Variants in IRF2 observed in about 807,000 individuals in gnomAD.
IRF2 encodes interferon regulatory factor 2.
In IRF2, 15 loss-of-function variants were observed where a neutral mutation model predicts 40.6. The ratio of observed to expected loss-of-function variants is 0.37; its 90% CI spans 0.25 to 0.57. The LOEUF (loss-of-function observed/expected upper bound fraction) is 0.57. IRF2 is among the 20% of genes least tolerant of loss of function. The pLI, the probability that IRF2 is intolerant of heterozygous loss-of-function variation, is 0.77. For synonymous variants in IRF2, 151 were observed against 165.5 expected (o/e 0.91, Z 0.67); for missense variants, 317 against 455.7 (o/e 0.70, Z 2.77).
intron 2 of IRF2, among the ~76,000 whole-genome samples, chr4:184,420,507 A>T (rs764578308): frequency 6.6e-6 from 1 of 152,214 alleles, no homozygotes; most frequent in Non-Finnish European, 1.5e-5. Flanking sequence ...TTCTGGAGAA[A>T]CATCCCTCAA....
chr4:184,457,209 A>G (rs12507400), intron 1 of IRF2, among the ~76,000 whole-genome samples: 58,099 of 152,120 alleles, frequency 0.38, 11,545 homozygotes, highest in Non-Finnish European at 0.44. Flanking sequence ...TGACCTTGAC[A>G]GAGGGGAATT....
chr4:184,425,278 G>C (rs1396314224), intron 2 of IRF2, among the ~76,000 whole-genome samples: 1 of 152,244 alleles, frequency 6.6e-6, no homozygotes. Flanking sequence ...TAGGCTCTCA[G>C]TTAAGTATTT....
At chr4:184,456,123 C>T (rs1738915513) in intron 1 of IRF2, among the ~76,000 whole-genome samples, 1 of 152,216 alleles carries the variant, frequency 6.6e-6, no homozygotes, top group Non-Finnish European at 1.5e-5. Context: ...ACACTGATCA[C>T]GGGCGTCTGA....
chr4:184,460,718 C>T (rs1162972063), intron 1 of IRF2, among the ~76,000 whole-genome samples: 4 of 151,768 alleles, frequency 2.6e-5, no homozygotes, highest in Admixed American at 6.6e-5. Context: ...CACACACACA[C>T]GCGAAGAGAG....
chr4:184,402,013 A>G (rs935884306), intron 6 of IRF2, among the ~76,000 whole-genome samples: 4 of 152,126 alleles, frequency 2.6e-5, no homozygotes, highest in Admixed American at 6.5e-5. Flanking sequence ...CGGTTATTCA[A>G]CTAACAGAGA....
intron 1 of IRF2, among the ~76,000 whole-genome samples, chr4:184,447,500 A>G (rs1158158998): frequency 6.6e-6 from 1 of 152,236 alleles, no homozygotes; most frequent in East Asian, 1.9e-4. Flanking sequence ...ACCAGTGAGT[A>G]AAAGGCTGGT....
chr4:184,453,107 A>T (rs1738786531), intron 1 of IRF2, among the ~76,000 whole-genome samples: 1 of 152,222 alleles, frequency 6.6e-6, no homozygotes, highest in Admixed American at 6.5e-5. Flanking sequence ...TTTCTGTAAA[A>T]AACAGACAAC....
At chr4:184,431,632 A>C (rs986984146) in intron 1 of IRF2, among the ~76,000 whole-genome samples, 4 of 152,142 alleles carry the variant, frequency 2.6e-5, no homozygotes, top group African/African-American at 9.7e-5. Flanking sequence ...GCGAGGGAAG[A>C]GTAGTTACAG....
chr4:184,462,984 C>T lies in IRF2; in HGVS notation c.-7+11395G>A, dbSNP rs1332984999. The stretch of plus-strand genomic sequence containing the variant: ...GGAATGCAAATAAATCGGACTGGAT[C>T]CTGGCTCTCAAATAACTTACCACAT... On this transcript the variant is annotated intron_variant, in intron 1 of 8. Coordinates refer to ENST00000393593, the MANE Select transcript of IRF2 (RefSeq NM_002199.4). Among the ~76,000 whole-genome samples, 3 of 152,228 alleles carry T rather than the reference C, an allele frequency of 2.0e-5. No homozygotes were observed. In the East Asian group the frequency reaches 5.8e-4, roughly 29 times the overall value.
Position 184,413,689 on chromosome 4 carries a change from GC to G in IRF2, c.411+4477del, listed in dbSNP as rs993593793. Among the ~76,000 whole-genome samples, 6 of 152,188 alleles carry G rather than the reference GC, an allele frequency of 3.9e-5. No homozygotes were observed. The highest frequency in any genetic ancestry group is 7.3e-5 in the Non-Finnish European group (5 of 68,036). ...TAATCTTTTCCAAGCGACTTTGGCA[GC>G]CCTTCCCAATTCTGTCTCCTTCATA... On this transcript the variant is annotated intron_variant, in intron 5 of 8. Coordinates refer to ENST00000393593, the MANE Select transcript of IRF2 (RefSeq NM_002199.4). The surrounding 1 kb of genome is among the most constrained non-coding windows in gnomAD (Gnocchi z 4.2).
intron 2 of IRF2, among the ~76,000 whole-genome samples, chr4:184,422,901 A>T (rs556928882): frequency 2.0e-5 from 3 of 152,366 alleles, no homozygotes; most frequent in South Asian, 4.1e-4. Context: ...GCTGCATGAC[A>T]TCGTGAATGT....
chr4:184,412,295 C>T (rs545908742), intron 5 of IRF2, among the ~76,000 whole-genome samples: 72 of 152,088 alleles, frequency 4.7e-4, no homozygotes, highest in Non-Finnish European at 9.4e-4. Context: ...AAATAATACA[C>T]CTTTAGCTGG....
intron 5 of IRF2, among the ~76,000 whole-genome samples, chr4:184,410,963 C>T (rs1432102567): frequency 6.6e-6 from 1 of 152,134 alleles, no homozygotes; most frequent in Non-Finnish European, 1.5e-5. Flanking sequence ...TGGTTCAATT[C>T]CAGGAGCTTT....
At chr4:184,394,227 G>A (rs879775165) in intron 7 of IRF2, among the ~76,000 whole-genome samples, 21 of 152,100 alleles carry the variant, frequency 1.4e-4, no homozygotes, top group African/African-American at 2.7e-4. Flanking sequence ...GAGGGAAGGG[G>A]AGGATTTGGA....
At chr4:184,392,382 A>C (rs1280008020) in intron 7 of IRF2, among the ~76,000 whole-genome samples, 1 of 152,256 alleles carries the variant, frequency 6.6e-6, no homozygotes, top group Non-Finnish European at 1.5e-5. Flanking sequence ...AAGAAAATCC[A>C]AAAGTGAAGC....
chr4:184,453,922 A>G (rs1021310219), intron 1 of IRF2, among the ~76,000 whole-genome samples: 4 of 152,218 alleles, frequency 2.6e-5, no homozygotes, highest in African/African-American at 9.7e-5. Context: ...GTATTTGTGA[A>G]AAGTCAAATA....
chr4:184,406,232 CTTT>C (rs11309106), intron 6 of IRF2, among the ~76,000 whole-genome samples: 10 of 134,374 alleles, frequency 7.4e-5, no homozygotes, highest in Admixed American at 2.2e-4. Context: ...TACTTTTTAT[CTTT>C]TTTTTTTTTT....
At chr4:184,460,269 C>CCACT (rs1441548318) in intron 1 of IRF2, among the ~76,000 whole-genome samples, 1 of 152,194 alleles carries the variant, frequency 6.6e-6, no homozygotes, top group Non-Finnish European at 1.5e-5. Flanking sequence ...CATGAGACAT[C>CCACT]TCGAGTGGTC....
chr4:184,459,237 G>A (rs1739047816), intron 1 of IRF2, among the ~76,000 whole-genome samples: 1 of 152,036 alleles, frequency 6.6e-6, no homozygotes. Flanking sequence ...TTCAAGCACT[G>A]CTATTTCTCC....
Sources: gnomAD v4.1 joint callset for allele counts (sites outside exome capture counted in the v4.1 genomes callset) on GRCh38, gnomAD v4.1.1 for gene constraint, Gnocchi (gnomAD v3.1) non-coding constraint, MANE v1.5 for transcripts, NCBI Gene and HGNC (gene_info 2026-07-23, HGNC 2026-07-21) for gene names.